SKAP2: variants seen among roughly 807,000 people sequenced by gnomAD.
SKAP2 encodes src kinase associated phosphoprotein 2, also known as src kinase-associated phosphoprotein 2.
In SKAP2, 28 loss-of-function variants were observed where a neutral mutation model predicts 54.9. That is an observed-to-expected ratio of 0.51 (90% confidence interval 0.38 to 0.70). SKAP2 has a LOEUF of 0.70. Ranked by LOEUF, SKAP2 falls within the 30% of genes least tolerant of loss-of-function variation. The pLI is 0.00. For synonymous variants in SKAP2, 137 were observed against 134.3 expected (o/e 1.02, Z -0.14); for missense variants, 356 against 424.1 (o/e 0.84, Z 1.41).
At position 26,823,905 on chromosome 7, in the gene SKAP2, G is replaced by C. The variant is rs144097094; in HGVS notation, c.307+20125C>G. Among the ~76,000 whole-genome samples, 40 of 152,278 alleles carry C rather than the reference G, an allele frequency of 2.6e-4. No homozygotes were observed. In the East Asian group the frequency reaches 7.3e-3, roughly 28 times the overall value. On this transcript the variant is annotated intron_variant, in intron 4 of 12. Transcript: ENST00000345317. ...CAAAGAAAGTAGTTTCTTGTGATGGGATCTACTCCTGATGAAGATGCTAAC... is the reference window on the plus strand; with the variant it reads ...CAAAGAAAGTAGTTTCTTGTGATGGCATCTACTCCTGATGAAGATGCTAAC...
rs1465107034 is a variant in SKAP2, at chr7:26,832,424, A to C, written c.307+11606T>G. On this transcript the variant is annotated intron_variant, in intron 4 of 12. Transcript: ENST00000345317. Reference sequence around the variant, plus strand: ...GATTCTAATAGACTAGTTATGAAAAAGTTTTAGGATACAGCAGCCTCTTGG... The same window carrying C: ...GATTCTAATAGACTAGTTATGAAAACGTTTTAGGATACAGCAGCCTCTTGG... Among the ~76,000 whole-genome samples the C allele has an allele frequency of 5.1e-4, 78 of 152,190 alleles. 1 individual carries two copies. Among genetic ancestry groups the C allele is most frequent in the Admixed American group, 5.1e-3 (78 of 15,280 alleles).
chr7:26,736,005 T>G (rs909416318), intron 6 of SKAP2, among the ~76,000 whole-genome samples: 11 of 152,018 alleles, frequency 7.2e-5, no homozygotes, highest in Non-Finnish European at 1.5e-4. Context: ...AGGGAAAAAT[T>G]TAAGGAAACA....
chr7:26,674,187 A>G (rs926946737), intron 11 of SKAP2, among the ~76,000 whole-genome samples: 2 of 152,184 alleles, frequency 1.3e-5, no homozygotes, highest in African/African-American at 4.8e-5. Flanking sequence ...TTCCAAACAT[A>G]TATCTGTGCT....
At position 26,817,429 on chromosome 7, in the gene SKAP2, T is replaced by C. The variant is rs374146724; in HGVS notation, c.307+26601A>G. Among the ~76,000 whole-genome samples the C allele has an allele frequency of 9.2e-5, 14 of 152,140 alleles. No individual in the cohort carries two copies. In the South Asian group the frequency reaches 2.9e-3, roughly 32 times the overall value. On this transcript the variant is annotated intron_variant, in intron 4 of 12. Transcript: ENST00000345317. ...AGTAAAACAGAGCAAGAAAAAAAAT[T>C]GGGGAACAATTGTCAACTAAAGGAG...
At chr7:26,801,869 A>G (rs781422860) in intron 4 of SKAP2, among the ~76,000 whole-genome samples, 1 of 152,184 alleles carries the variant, frequency 6.6e-6, no homozygotes. Flanking sequence ...CCTAAAAATC[A>G]AAAAATATTT....
intron 3 of SKAP2, among the ~76,000 whole-genome samples, chr7:26,852,064 A>G (rs932032644): frequency 6.6e-6 from 1 of 152,162 alleles, no homozygotes; most frequent in African/African-American, 2.4e-5. Flanking sequence ...ATGTGACCCT[A>G]CATTGACTAG....
At chr7:26,719,950 A>G (rs899708794) in intron 9 of SKAP2, among the ~76,000 whole-genome samples, 1 of 152,144 alleles carries the variant, frequency 6.6e-6, no homozygotes, top group Admixed American at 6.6e-5. Flanking sequence ...CAACCTCAGC[A>G]CTATTGACGT....
the SKAP2 span, among the ~76,000 whole-genome samples, chr7:26,658,317 G>C: frequency 6.6e-6 from 1 of 152,220 alleles, no homozygotes; most frequent in African/African-American, 2.4e-5. Flanking sequence ...GGTGCCATCT[G>C]TTTGGCACAG....
intron 4 of SKAP2, among the ~76,000 whole-genome samples, chr7:26,841,620 C>A (rs1476178637): frequency 4.6e-5 from 7 of 151,906 alleles, no homozygotes; most frequent in African/African-American, 1.7e-4. Context: ...GGGGGAATAA[C>A]TGGAAAATTA....
At chr7:26,833,274 T>G (rs992786813) in intron 4 of SKAP2, among the ~76,000 whole-genome samples, 6 of 151,564 alleles carry the variant, frequency 4.0e-5, no homozygotes, top group African/African-American at 7.3e-5. Flanking sequence ...CAGGCACCTG[T>G]AGTCCCAGCT....
Position 26,738,856 on chromosome 7 carries a change from T to C in SKAP2, c.408A>G (p.Glu136=), listed in dbSNP as rs766770578. The change falls in exon 6 of 13, where the codon GAA becomes GAG. Residue 136 remains glutamate (E), a synonymous_variant. Coordinates refer to ENST00000345317, the MANE Select transcript of SKAP2 (RefSeq NM_003930.5). Reference sequence around the variant, plus strand: ...TGAGAGCACACCACCGTTTCTGCCATTCAAATCCCAGAAAGCTGTGATCTG... The same window carrying C: ...TGAGAGCACACCACCGTTTCTGCCACTCAAATCCCAGAAAGCTGTGATCTG... The part of the protein sequence containing the change: ...RRKDHSFLGF[E]WQKRWCALSK... 4.4e-6 allele frequency: 7 copies of C among 1,606,798 alleles called. No individual in the cohort carries two copies. In the South Asian group the frequency reaches 6.6e-5, roughly 15 times the overall value.
chr7:26,736,133 A>C (rs550568560), intron 6 of SKAP2, among the ~76,000 whole-genome samples: 2 of 152,318 alleles, frequency 1.3e-5, no homozygotes, highest in Non-Finnish European at 2.9e-5. Flanking sequence ...GGGGCTGAGT[A>C]AAATAAGGCT....
In SKAP2 at chr7:26,829,035, A is replaced by C. The variant is rs545096258; in HGVS notation, c.307+14995T>G. 1.1e-4 allele frequency among the ~76,000 whole-genome samples: 16 copies of C among 152,330 alleles called. No individual in the cohort carries two copies. The East Asian group carries it at 3.1e-3, about 29-fold the overall frequency. ...CAGAGCGAGACTCTGTCTCAAAAAA[A>C]TAAATAAATAAAGTACAAGTAATAA... On this transcript the variant is annotated intron_variant, in intron 4 of 12. Coordinates refer to ENST00000345317, the MANE Select transcript of SKAP2 (RefSeq NM_003930.5).
intron 4 of SKAP2, among the ~76,000 whole-genome samples, chr7:26,777,436 T>C (rs1783335216): frequency 6.6e-6 from 1 of 152,180 alleles, no homozygotes; most frequent in South Asian, 2.1e-4. Flanking sequence ...ACATTAATAG[T>C]TCTTTGAATA....
At chr7:26,860,733 C>G (rs1263714115) in intron 1 of SKAP2, among the ~76,000 whole-genome samples, 3 of 148,238 alleles carry the variant, frequency 2.0e-5, no homozygotes, top group African/African-American at 7.5e-5. Flanking sequence ...TGAAAAAATT[C>G]TGCCTCTATT....
intron 6 of SKAP2, among the ~76,000 whole-genome samples, chr7:26,729,223 A>G (rs1279185818): frequency 6.6e-6 from 1 of 152,188 alleles, no homozygotes; most frequent in Non-Finnish European, 1.5e-5. Context: ...GGACAGTATC[A>G]GCCTCTACTG....
At chr7:26,795,042 A>G (rs919059650) in intron 4 of SKAP2, among the ~76,000 whole-genome samples, 2 of 152,260 alleles carry the variant, frequency 1.3e-5, no homozygotes, top group African/African-American at 4.8e-5. Flanking sequence ...AATGTTGATC[A>G]TAAGTGGACA....
chr7:26,691,503 C>T (rs1466469830), intron 9 of SKAP2, among the ~76,000 whole-genome samples: 1 of 152,192 alleles, frequency 6.6e-6, no homozygotes, highest in Non-Finnish European at 1.5e-5. Flanking sequence ...TTCAATCAAT[C>T]AGTCAATCAA....
At chr7:26,822,998 G>A (rs1185724856) in intron 4 of SKAP2, among the ~76,000 whole-genome samples, 1 of 152,176 alleles carries the variant, frequency 6.6e-6, no homozygotes, top group Non-Finnish European at 1.5e-5. Context: ...AGCTTAGGGA[G>A]GAAGGCACGT....
Sources: allele counts gnomAD v4.1 joint callset (sites outside exome capture counted in the v4.1 genomes callset), GRCh38; gene constraint gnomAD v4.1.1; transcripts MANE v1.5; gene names NCBI Gene and HGNC (gene_info 2026-07-23, HGNC 2026-07-21).